The following SMARCC2 variants were observed in gnomAD, a reference collection of about 807,000 sequenced individuals.
SMARCC2 encodes SWI/SNF related BAF chromatin remodeling complex subunit C2.
Under a neutral mutation model 151.3 loss-of-function variants are expected in SMARCC2, and 15 were observed. The observed-to-expected ratio is 0.10, with a 90% CI of 0.07 to 0.15. The LOEUF (loss-of-function observed/expected upper bound fraction) is 0.15, where lower values mean the gene tolerates loss of function less well. SMARCC2 is among the 10% of genes least tolerant of loss of function. The probability of loss-of-function intolerance (pLI) is 1.00; values close to 1 mark genes in which losing one functional copy is unlikely to be tolerated. For synonymous variants in SMARCC2, 590 were observed against 609.5 expected (o/e 0.97, Z 0.47); for missense variants, 1,031 against 1,599.7 (o/e 0.64, Z 6.06).
chr12:56,187,408 G>T, intron 1 of SMARCC2, 102 bp from the exon 2 acceptor site: 3 of 1,112,026 alleles, frequency 2.7e-6, no homozygotes, highest in Non-Finnish European at 2.6e-6. Flanking sequence ...GTGGAGCAAA[G>T]AAAATAGTGC....
chr12:56,180,883 G>A, intron 11 of SMARCC2, 94 bp downstream of exon 11: 2 of 1,298,850 alleles, frequency 1.5e-6, no homozygotes, highest in South Asian at 1.4e-5. Flanking sequence ...TAGACTGGGA[G>A]GTGGACCTGA....
At chr12:56,178,352 C>T in intron 14 of SMARCC2, 52 bp downstream of exon 14, 4 of 1,592,438 alleles carry the variant, frequency 2.5e-6, no homozygotes, top group Middle Eastern at 1.7e-4. Context: ...AGCCTGTTGA[C>T]CCCTGGAGGC....
rs1030105261 is a variant in SMARCC2 at position 56,168,532 on chromosome 12, G to A, written c.2716-338C>T. On this transcript the variant is annotated intron_variant, in intron 25 of 28. Coordinates refer to ENST00000550164, the MANE Select transcript of SMARCC2 (RefSeq NM_001330288.2). ...TGGGATTACAGACATGCGCCACCAC[G>A]CCGGCTAATTTCTGTGTTTTTAGTA... Among the ~76,000 whole-genome samples the A allele has an allele frequency of 3.9e-5, 6 of 151,952 alleles. No homozygotes were observed. The East Asian group carries it at 7.8e-4, about 20-fold the overall frequency.
At position 56,186,195 on chromosome 12, in the gene SMARCC2, T is replaced by C. The variant is rs1565924400; in HGVS notation, c.277A>G (p.Ile93Val). The change falls in exon 3 of 29, where the codon ATT (isoleucine) becomes GTT (valine). Residue 93 changes from isoleucine to valine, a missense_variant. Transcript: ENST00000550164. ...DFKAGGSLCHILAAAYKFKSD... is the reference protein window; with the variant it reads ...DFKAGGSLCHVLAAAYKFKSD... ...TTGAATTTGTAGGCAGCTGCAAGAA[T>C]GTGGCACAAGGAGCCTCCCGCTTTG... 4 of 1,613,370 alleles carry C rather than the reference T, an allele frequency of 2.5e-6. No homozygotes were observed. Among genetic ancestry groups the C allele is most frequent in the Non-Finnish European group, 3.4e-6 (4 of 1,179,270 alleles).
chr12:56,173,744 C>T lies in SMARCC2; in HGVS notation c.1602G>A (p.Leu534=), dbSNP rs1303441833. ...GPPPTSHFHV[L]ADTPSGLVPL... is the part of the protein sequence containing the mutation. ...GCACCAGCCCTGATGGTGTGTCAGC[C>T]AAGACATGGAAGTGAGAGGTAGGCG... is the stretch of plus-strand genomic sequence containing the variant. The change falls in exon 17 of 29, where the codon TTG becomes TTA. Residue 534 remains leucine (L), a synonymous_variant. Transcript: ENST00000550164. The T allele has an allele frequency of 6.2e-7, 1 of 1,613,960 alleles. No homozygotes were observed. The highest frequency in any genetic ancestry group is 2.2e-5 in the East Asian group (1 of 44,880).
At chr12:56,169,482 G>A (rs1252458799) in intron 25 of SMARCC2, 47 bp downstream of exon 25, 1 of 1,595,514 alleles carries the variant, frequency 6.3e-7, no homozygotes, top group Non-Finnish European at 8.6e-7. Context: ...GATGAGATTA[G>A]AGAAGTGGAC....
At chr12:56,172,006 CCTA>C in intron 20 of SMARCC2, 69 bp from the exon 21 acceptor site, 2 of 1,455,900 alleles carry the variant, frequency 1.4e-6, no homozygotes, top group Non-Finnish European at 1.9e-6. Flanking sequence ...CTCCCCCCAT[CCTA>C]CTAAGGGCAG....
chr12:56,177,287 C>T (rs1052083534), intron 15 of SMARCC2, among the ~76,000 whole-genome samples: 7 of 152,170 alleles, frequency 4.6e-5, no homozygotes, highest in Non-Finnish European at 1.0e-4. Context: ...CCGTGTCAGC[C>T]AGGCTGGAGA....
At chr12:56,187,500 G>A (rs1877482850) in intron 1 of SMARCC2, among the ~76,000 whole-genome samples, 194 bp from the exon 2 acceptor site, 1 of 152,160 alleles carries the variant, frequency 6.6e-6, no homozygotes, top group Non-Finnish European at 1.5e-5. Context: ...AAATTCTGCT[G>A]CCACCAGCCC....
At chr12:56,168,855 C>G (rs1873354336) in intron 25 of SMARCC2, among the ~76,000 whole-genome samples, 1 of 152,116 alleles carries the variant, frequency 6.6e-6, no homozygotes, top group East Asian at 1.9e-4. Context: ...TGGCACGTGC[C>G]TGTAATCCTA....
chr12:56,169,398 C>T, intron 25 of SMARCC2, 131 bp downstream of exon 25: 2 of 1,164,336 alleles, frequency 1.7e-6, no homozygotes, highest in Non-Finnish European at 1.2e-6. Context: ...TTTACCTCCT[C>T]CTGAGATAAA....
At chr12:56,170,331 T>A (rs1391886984) in intron 22 of SMARCC2, 123 bp from the exon 23 acceptor site, 29 of 806,944 alleles carry the variant, frequency 3.6e-5, no homozygotes, top group Non-Finnish European at 2.9e-5. Flanking sequence ...CTCAAACTCC[T>A]GGGCCCACGC....
chr12:56,185,908 A>C (rs1877153654), intron 3 of SMARCC2: 1 of 517,284 alleles, frequency 1.9e-6, no homozygotes, highest in Admixed American at 3.5e-5. Flanking sequence ...GGGACAAAAA[A>C]AGGTTTGAGA....
chr12:56,180,137 C>A (rs1325851087), intron 11 of SMARCC2, among the ~76,000 whole-genome samples: 5 of 151,030 alleles, frequency 3.3e-5, no homozygotes, highest in Non-Finnish European at 7.4e-5. Flanking sequence ...GAGATGGAGT[C>A]TCGCCCTGTT....
intron 25 of SMARCC2, among the ~76,000 whole-genome samples, chr12:56,169,249 C>A (rs1455922488): frequency 6.6e-6 from 1 of 152,156 alleles, no homozygotes; most frequent in Non-Finnish European, 1.5e-5. Flanking sequence ...GAGCCGAGAT[C>A]TGACAGAGCA....
Position 56,174,782 on chromosome 12 carries a change from G to A in SMARCC2, c.1383-18C>T, listed in dbSNP as rs745522674. On this transcript the variant is annotated intron_variant, in intron 15 of 28. Transcript: ENST00000550164. ...CCAGGTAGCTTAGAAGAAAGAGAGA[G>A]AGAAACAAGAAGAAGAAAAATAAAT... The A allele has an allele frequency of 1.3e-6, 2 of 1,484,260 alleles. No homozygotes were observed. Among genetic ancestry groups the A allele is most frequent in the Admixed American group, 1.7e-5 (1 of 58,888 alleles). The allele number at this position is 1,484,260 out of a possible 1,614,324, so 91.9% of individuals were successfully genotyped here.
intron 11 of SMARCC2, among the ~76,000 whole-genome samples, chr12:56,180,361 G>C (rs527601276): frequency 6.6e-6 from 1 of 150,764 alleles, no homozygotes; most frequent in Non-Finnish European, 1.5e-5. Flanking sequence ...CGCCCACCTC[G>C]GCCTGCCAAA....
chr12:56,184,124 C>T, intron 6 of SMARCC2, 51 bp downstream of exon 6: 1 of 1,373,914 alleles, frequency 7.3e-7, no homozygotes, highest in Non-Finnish European at 1.0e-6. Context: ...TAGTCCTCTG[C>T]CTCCTAGTCC....
chr12:56,173,938 AC>A, intron 16 of SMARCC2, 89 bp from the exon 17 acceptor site: 4 of 1,220,542 alleles, frequency 3.3e-6, no homozygotes, highest in Non-Finnish European at 4.6e-6. Flanking sequence ...AGGGGCATAA[AC>A]CCCCTCCCCA....
Sources: allele counts gnomAD v4.1 joint callset (sites outside exome capture counted in the v4.1 genomes callset), GRCh38; gene constraint gnomAD v4.1.1; transcripts MANE v1.5; gene names NCBI Gene and HGNC (gene_info 2026-07-23, HGNC 2026-07-21).